Variants in KNTC1 observed in about 807,000 individuals in gnomAD.
KNTC1 encodes the protein kinetochore associated 1.
Under a neutral mutation model 314.4 loss-of-function variants are expected in KNTC1, and 253 were observed. The ratio of observed to expected loss-of-function variants is 0.80; its 90% CI spans 0.73 to 0.89. The LOEUF (loss-of-function observed/expected upper bound fraction) is 0.89. Ranked by LOEUF, KNTC1 falls within the 40% of genes least tolerant of loss-of-function variation. The pLI, the probability that KNTC1 is intolerant of heterozygous loss-of-function variation, is 0.00. For synonymous variants in KNTC1, 901 were observed against 901.4 expected (o/e 1.00, Z 0.01); for missense variants, 2,475 against 2,572.9 (o/e 0.96, Z 0.82).
chr12:122,539,669 C>A lies in KNTC1; in HGVS notation c.367-7C>A. ...AATTTTATTATTTGAAATTAATTTG[C>A]ATTTAGGCATTTGTTCAGAAAGCTA... On this transcript the variant is annotated splice_polypyrimidine_tract_variant and splice_region_variant and intron_variant, in intron 4 of 63. Coordinates refer to ENST00000333479, the MANE Select transcript of KNTC1 (RefSeq NM_014708.6). The A allele has an allele frequency of 1.3e-6, 2 of 1,525,914 alleles. No individual in the cohort carries two copies. The highest frequency in any genetic ancestry group is 1.8e-6 in the Non-Finnish European group (2 of 1,129,694). The allele number at this position is 1,525,914 out of a possible 1,614,324, so 94.5% of individuals were successfully genotyped here.
At chr12:122,624,554 C>A in intron 62 of KNTC1, 44 bp from the exon 63 acceptor site, 1 of 1,421,268 alleles carries the variant, frequency 7.0e-7, no homozygotes, top group South Asian at 1.2e-5. Context: ...AGGCACAAGG[C>A]ACTGTGCTTG....
intron 48 of KNTC1, among the ~76,000 whole-genome samples, 157 bp from the exon 49 acceptor site, chr12:122,604,407 A>C (rs1207388768): frequency 6.6e-6 from 1 of 152,054 alleles, no homozygotes; most frequent in Non-Finnish European, 1.5e-5. Flanking sequence ...TTGGCCTCCC[A>C]AAGTGCTGGG....
chr12:122,587,986 T>C, intron 39 of KNTC1, 112 bp downstream of exon 39: 1 of 858,450 alleles, frequency 1.2e-6, no homozygotes, highest in Non-Finnish European at 1.7e-6. Context: ...AGGAAATTGG[T>C]AATTCGTCAG....
At chr12:122,531,250 T>A (rs1961290860) in intron 2 of KNTC1, among the ~76,000 whole-genome samples, 1 of 152,122 alleles carries the variant, frequency 6.6e-6, no homozygotes, top group Admixed American at 6.5e-5. Flanking sequence ...GTGCTGCTTT[T>A]TCTTGCTGTG....
chr12:122,601,235 A>G (rs557834224), intron 44 of KNTC1, among the ~76,000 whole-genome samples: 6 of 151,338 alleles, frequency 4.0e-5, no homozygotes, highest in Non-Finnish European at 7.4e-5. Flanking sequence ...GGCGCCCACC[A>G]CCACGCCCAG....
rs1021564381 is a variant in KNTC1 at position 122,611,164 on chromosome 12, A to C, written c.5622+264A>C. The C allele has an allele frequency of 3.1e-4, 139 of 441,392 alleles. No individual in the cohort carries two copies. The Middle Eastern group carries it at 3.8e-3, about 12-fold the overall frequency. The allele number at this position is 441,392 out of a possible 1,614,324, so 27.3% of individuals were successfully genotyped here. ...TGGCTGTCTGCATTCACAGTGGTTA[A>C]CTCCCTGGTCAGTCCACATTCCTGA... On this transcript the variant is annotated intron_variant, in intron 53 of 63. Transcript: ENST00000333479.
At chr12:122,590,858 T>C (rs1870095376) in intron 41 of KNTC1, 123 bp downstream of exon 41, 1 of 928,378 alleles carries the variant, frequency 1.1e-6, no homozygotes, top group Non-Finnish European at 1.6e-6. Context: ...TAACTCGTGA[T>C]TTCTACCAGC....
intron 31 of KNTC1, among the ~76,000 whole-genome samples, chr12:122,579,312 C>T (rs1181526959): frequency 6.6e-6 from 1 of 151,792 alleles, no homozygotes; most frequent in Admixed American, 6.6e-5. Context: ...GATCCGCCTG[C>T]CTCGGCCTCC....
intron 48 of KNTC1, among the ~76,000 whole-genome samples, chr12:122,603,569 C>T (rs1319195121): frequency 1.3e-5 from 2 of 151,836 alleles, no homozygotes; most frequent in South Asian, 2.1e-4. Context: ...CTTGGCTCAC[C>T]GCAACCTCCA....
In KNTC1 at chr12:122,597,841, G is replaced by A. The variant is rs1355792139; in HGVS notation, c.4466G>A (p.Arg1489Gln). 15 of 1,613,906 alleles carry A rather than the reference G, an allele frequency of 9.3e-6. No homozygotes were observed. The highest frequency in any genetic ancestry group is 1.1e-5 in the Non-Finnish European group (13 of 1,179,902). The change falls in exon 44 of 64, where the codon CGG (arginine) becomes CAG (glutamine). Residue 1489 changes from arginine (R) to glutamine (Q), a missense_variant. Transcript: ENST00000333479. ...GATGCAAGCATGGACTCTGCAAAGCGGCGGCATCCCAAACTCCTGGCCAAA... is the reference window on the plus strand; with the variant it reads ...GATGCAAGCATGGACTCTGCAAAGCAGCGGCATCCCAAACTCCTGGCCAAA... ...QGDASMDSAK[R>Q]RHPKLLAKAL...
Position 122,602,712 on chromosome 12 carries a change from C to T in KNTC1, c.4797C>T (p.Gly1599=). The change falls in exon 46 of 64, where the codon GGC becomes GGT. Residue 1599 remains glycine, a synonymous_variant. Coordinates refer to ENST00000333479, the MANE Select transcript of KNTC1 (RefSeq NM_014708.6). ...TGCCTTTTCACCTGATATTCTTTGG[C>T]ACAGCACAGAACTTCTGGAAAATTC... is the stretch of plus-strand genomic sequence containing the variant. The part of the protein sequence containing the change: ...TRLPFHLIFF[G]TAQNFWKILS... The T allele has an allele frequency of 1.2e-6, 2 of 1,613,852 alleles. No homozygotes were observed. The highest frequency in any genetic ancestry group is 1.7e-6 in the Non-Finnish European group (2 of 1,179,806).
chr12:122,624,790 T>C, intron 63 of KNTC1, 102 bp downstream of exon 63: 1 of 825,466 alleles, frequency 1.2e-6, no homozygotes, highest in East Asian at 2.6e-5. Context: ...GATAAATGTA[T>C]TTTTATGTGT....
intron 51 of KNTC1, among the ~76,000 whole-genome samples, chr12:122,607,266 G>T (rs564392639): frequency 4.6e-5 from 7 of 152,286 alleles, no homozygotes; most frequent in African/African-American, 1.7e-4. Flanking sequence ...GTTTCACCAT[G>T]TTGGCCGGGC....
Position 122,539,673 on chromosome 12 carries a change from T to G in KNTC1, c.367-3T>G. On this transcript the variant is annotated splice_polypyrimidine_tract_variant and splice_region_variant and intron_variant, in intron 4 of 63. Coordinates refer to ENST00000333479, the MANE Select transcript of KNTC1 (RefSeq NM_014708.6). ...TTATTATTTGAAATTAATTTGCATT[T>G]AGGCATTTGTTCAGAAAGCTAACGA... 6.5e-7 allele frequency: 1 copy of G among 1,540,956 alleles called. No individual in the cohort carries two copies. Among genetic ancestry groups the G allele is most frequent in the South Asian group, 1.2e-5 (1 of 80,926 alleles).
rs1320421692 is a variant in KNTC1, at chr12:122,574,345, G to C, written c.2347G>C (p.Ala783Pro). The C allele has an allele frequency of 2.5e-6, 4 of 1,611,264 alleles. No individual in the cohort carries two copies. In the East Asian group the frequency reaches 8.9e-5, roughly 36 times the overall value. ...CTTTGAAACAGCATGGGAAGCAAAG[G>C]CCATGGCAGTAATAGCGTGTTTATC... ...SLFETAWEAK[A>P]MAVIACLSDT... The change falls in exon 27 of 64, where the codon GCC becomes CCC. Residue 783 changes from alanine (A) to proline (P), a missense_variant. Transcript: ENST00000333479.
At chr12:122,561,343 A>G (rs1963961520) in intron 18 of KNTC1, among the ~76,000 whole-genome samples, 1 of 152,048 alleles carries the variant, frequency 6.6e-6, no homozygotes, top group East Asian at 1.9e-4. Flanking sequence ...AATAATAAAT[A>G]AAAAATGGAT....
rs1030724721 is a variant in KNTC1 at position 122,568,379 on chromosome 12, T to G, written c.1716+7T>G. 4.0e-6 allele frequency: 6 copies of G among 1,502,734 alleles called. No homozygotes were observed. The African/African-American group carries it at 8.3e-5, about 21-fold the overall frequency. The allele number at this position is 1,502,734 out of a possible 1,614,324, so 93.1% of individuals were successfully genotyped here. A position where few individuals can be genotyped will look rare whatever the true frequency, so the allele number is the denominator to read the frequency against. The stretch of plus-strand genomic sequence containing the variant: ...TCTTTGGCTTCGACATCGGGTAACA[T>G]GTTTTACATTTTTTCCTTAACAGCT... On this transcript the variant is annotated splice_region_variant and intron_variant, in intron 21 of 63. Coordinates refer to ENST00000333479, the MANE Select transcript of KNTC1 (RefSeq NM_014708.6).
chr12:122,610,333 A>G (rs571182021), intron 52 of KNTC1, among the ~76,000 whole-genome samples: 1 of 152,296 alleles, frequency 6.6e-6, no homozygotes, highest in East Asian at 1.9e-4. Flanking sequence ...CTTAATGCAA[A>G]ATTCATAACG....
chr12:122,588,847 TTG>T (rs1869747365), intron 40 of KNTC1, 31 bp downstream of exon 40: 4 of 1,435,262 alleles, frequency 2.8e-6, no homozygotes, highest in East Asian at 2.5e-5. Flanking sequence ...AAAATTTTGT[TTG>T]TTTTTTTTTT....
Sources: allele counts gnomAD v4.1 joint callset (sites outside exome capture counted in the v4.1 genomes callset), GRCh38; gene constraint gnomAD v4.1.1; transcripts MANE v1.5; gene names NCBI Gene and HGNC (gene_info 2026-07-23, HGNC 2026-07-21).